TAFA1: variants seen among roughly 807,000 people sequenced by gnomAD.
TAFA1 encodes chemokine-like protein TAFA-1.
In TAFA1, 4 loss-of-function variants were observed where a neutral mutation model predicts 18.5. That is an observed-to-expected ratio of 0.22 (90% confidence interval 0.11 to 0.49). The LOEUF is 0.49. TAFA1 is among the 20% of genes least tolerant of loss of function. TAFA1 has a pLI of 0.98. For missense variants in TAFA1, 147 were observed against 169.0 expected (o/e 0.87, Z 0.72); for synonymous variants, 56 against 55.2 (o/e 1.01, Z -0.06).
intron 2 of TAFA1, among the ~76,000 whole-genome samples, chr3:68,184,330 G>A (rs2066243101): frequency 1.3e-5 from 2 of 152,096 alleles, no homozygotes; most frequent in African/African-American, 4.8e-5. Flanking sequence ...CTACCTGAAA[G>A]CAAATATCAG....
intron 2 of TAFA1, among the ~76,000 whole-genome samples, chr3:68,044,326 C>T (rs1260974199): frequency 6.6e-6 from 1 of 152,162 alleles, no homozygotes; most frequent in Non-Finnish European, 1.5e-5. Flanking sequence ...TGGTTTGTCA[C>T]TGAAACCCTA....
intron 3 of TAFA1, among the ~76,000 whole-genome samples, chr3:68,447,389 C>G (rs2071487920): frequency 6.6e-6 from 1 of 152,148 alleles, no homozygotes; most frequent in African/African-American, 2.4e-5. Flanking sequence ...TCCATTCTGT[C>G]CACTGCAGTT....
upstream of TAFA1, among the ~76,000 whole-genome samples, chr3:68,000,146 A>C (rs1704269236): frequency 2.0e-5 from 3 of 152,154 alleles, no homozygotes; most frequent in Admixed American, 2.0e-4. Flanking sequence ...ATGGTGAATT[A>C]GTATTTTATT....
At chr3:68,071,481 G>A (rs949602770) in intron 2 of TAFA1, among the ~76,000 whole-genome samples, 1 of 152,152 alleles carries the variant, frequency 6.6e-6, no homozygotes, top group Non-Finnish European at 1.5e-5. Context: ...CATCATCAGT[G>A]GGGTGAATGG....
At chr3:68,079,069 C>G (rs1360263932) in intron 2 of TAFA1, among the ~76,000 whole-genome samples, 1 of 152,132 alleles carries the variant, frequency 6.6e-6, no homozygotes, top group South Asian at 2.1e-4. Context: ...AATTTATCCA[C>G]TTCTTCTAGA....
chr3:68,276,914 T>G (rs1016997766), intron 2 of TAFA1, among the ~76,000 whole-genome samples: 4 of 152,164 alleles, frequency 2.6e-5, no homozygotes, highest in South Asian at 2.1e-4. Flanking sequence ...TTAATAATTT[T>G]AAAAATAACT....
the TAFA1 span, among the ~76,000 whole-genome samples, chr3:67,994,808 C>T: frequency 2.6e-5 from 4 of 152,144 alleles, no homozygotes; most frequent in Non-Finnish European, 5.9e-5. Context: ...AAAACTTGTC[C>T]TTGCATGACT....
chr3:68,003,563 T>A (rs1346354334), upstream of TAFA1, among the ~76,000 whole-genome samples: 1 of 152,138 alleles, frequency 6.6e-6, no homozygotes, highest in Non-Finnish European at 1.5e-5. Context: ...GAAAACTAGG[T>A]CATCTTGTAT....
chr3:68,276,229 A>T (rs191202774), intron 2 of TAFA1, among the ~76,000 whole-genome samples: 1 of 152,076 alleles, frequency 6.6e-6, no homozygotes, highest in Non-Finnish European at 1.5e-5. Context: ...TAACAAGAAA[A>T]GAAAAAAATT....
chr3:68,349,370 T>C (rs551965326), intron 2 of TAFA1, among the ~76,000 whole-genome samples: 1 of 151,988 alleles, frequency 6.6e-6, no homozygotes, highest in African/African-American at 2.4e-5. Context: ...CATGATATTC[T>C]CTTATGAAAA....
intron 2 of TAFA1, among the ~76,000 whole-genome samples, chr3:68,049,510 C>T (rs1223361475): frequency 1.3e-5 from 2 of 151,962 alleles, no homozygotes; most frequent in Non-Finnish European, 2.9e-5. Flanking sequence ...ATTTGTGTTG[C>T]TTGGCACACA....
chr3:68,519,034 T>C (rs542761790), intron 3 of TAFA1, among the ~76,000 whole-genome samples: 1 of 152,352 alleles, frequency 6.6e-6, no homozygotes, highest in South Asian at 2.1e-4. Flanking sequence ...CGTTTATATA[T>C]ATCAAGGTGG....
intron 2 of TAFA1, among the ~76,000 whole-genome samples, chr3:68,335,661 C>G (rs1271427650): frequency 6.6e-6 from 1 of 152,028 alleles, no homozygotes; most frequent in Non-Finnish European, 1.5e-5. Context: ...GTATCAGACA[C>G]ATATAATCAT....
chr3:68,433,107 T>G (rs1246866543), intron 3 of TAFA1, among the ~76,000 whole-genome samples: 1 of 152,082 alleles, frequency 6.6e-6, no homozygotes, highest in African/African-American at 2.4e-5. Context: ...ATGCTGAAAA[T>G]GGAGCACACA....
intron 2 of TAFA1, among the ~76,000 whole-genome samples, chr3:68,287,790 C>T (rs1439730161): frequency 6.6e-6 from 1 of 151,904 alleles, no homozygotes; most frequent in Admixed American, 6.6e-5. Flanking sequence ...CGCCCCGAAG[C>T]AAGGCCCATT....
chr3:68,438,407 G>A (rs896886446), intron 3 of TAFA1, among the ~76,000 whole-genome samples: 1 of 152,130 alleles, frequency 6.6e-6, no homozygotes, highest in Admixed American at 6.5e-5. Context: ...CTCCATATCT[G>A]CATTTTCTGC....
chr3:68,068,054 C>A (rs2064705003), intron 2 of TAFA1, among the ~76,000 whole-genome samples: 1 of 152,170 alleles, frequency 6.6e-6, no homozygotes, highest in African/African-American at 2.4e-5. Flanking sequence ...CTTCACATGG[C>A]AGTAATGTCT....
chr3:68,412,747 G>C (rs1477903737), intron 2 of TAFA1, among the ~76,000 whole-genome samples: 2 of 152,138 alleles, frequency 1.3e-5, no homozygotes, highest in East Asian at 1.9e-4. Context: ...TGGTGTATAT[G>C]TGCCACATTT....
intron 2 of TAFA1, among the ~76,000 whole-genome samples, chr3:68,323,708 A>C (rs555695684): frequency 1.3e-5 from 2 of 152,356 alleles, no homozygotes; most frequent in Admixed American, 6.5e-5. Context: ...ATTCATTAGA[A>C]TTCATTTCTT....
Sources: allele counts gnomAD v4.1 joint callset (sites outside exome capture counted in the v4.1 genomes callset), GRCh38; gene constraint gnomAD v4.1.1; transcripts MANE v1.5; gene names NCBI Gene and HGNC (gene_info 2026-07-23, HGNC 2026-07-21).